The following PCMTD2 variants were observed in gnomAD, a reference collection of about 807,000 sequenced individuals.
PCMTD2 encodes the protein protein-L-isoaspartate O-methyltransferase domain-containing protein 2.
Under a neutral mutation model 33.4 loss-of-function variants are expected in PCMTD2, and 16 were observed. That is an observed-to-expected ratio of 0.48 (90% CI 0.32 to 0.73). The LOEUF (loss-of-function observed/expected upper bound fraction) is 0.73, where lower values mean the gene tolerates loss of function less well. Among genes scored for constraint, PCMTD2 ranks in the 30% least tolerant of loss-of-function variants. PCMTD2 has a pLI of 0.03. For synonymous variants in PCMTD2, 161 were observed against 160.8 expected (o/e 1.00, Z -0.01); for missense variants, 374 against 449.9 (o/e 0.83, Z 1.53).
intron 3 of PCMTD2, 126 bp from the exon 4 acceptor site, chr20:64,265,132 C>T (rs1985603396): frequency 3.7e-6 from 2 of 545,394 alleles, no homozygotes; most frequent in South Asian, 4.1e-5. Flanking sequence ...TCTTTTCTTC[C>T]AGCTCCTCAC....
chr20:64,272,141 C>CA, intron 5 of PCMTD2: 1 of 379,478 alleles, frequency 2.6e-6, no homozygotes. Flanking sequence ...GCTACTTACT[C>CA]ACTACCAGGG....
chr20:64,266,404 C>T (rs188402368), intron 4 of PCMTD2, among the ~76,000 whole-genome samples: 713 of 152,190 alleles, frequency 4.7e-3, no homozygotes, highest in Admixed American at 9.4e-3. Flanking sequence ...ATTACAGGTG[C>T]GTGCCACCAC....
chr20:64,261,861 G>A lies in PCMTD2; in HGVS notation c.307+1589G>A, dbSNP rs557650398. Among the ~76,000 whole-genome samples, 400 of 152,272 alleles carry A rather than the reference G, an allele frequency of 2.6e-3. 3 individuals are homozygous for A. Among genetic ancestry groups the A allele is most frequent in the African/African-American group, 9.4e-3 (389 of 41,552 alleles). Reference sequence around the variant, plus strand: ...ACGTAGCTGAAAAATAGGGGCTATAGCTAAGGTAGAACCTTGGGGAGAAAT... The same window carrying A: ...ACGTAGCTGAAAAATAGGGGCTATAACTAAGGTAGAACCTTGGGGAGAAAT... On this transcript the variant is annotated intron_variant, in intron 2 of 5. Coordinates refer to ENST00000308824, the MANE Select transcript of PCMTD2 (RefSeq NM_018257.3).
chr20:64,266,249 ATATTTATTTATT>A (rs375762835), intron 4 of PCMTD2, among the ~76,000 whole-genome samples: 2 of 151,404 alleles, frequency 1.3e-5, no homozygotes, highest in Non-Finnish European at 2.9e-5. Context: ...TATTTTTTAA[ATATTTATTTATT>A]TATTTATTTA....
At chr20:64,270,727 C>T (rs1325247701) in intron 5 of PCMTD2, among the ~76,000 whole-genome samples, 2 of 150,232 alleles carry the variant, frequency 1.3e-5, no homozygotes, top group Admixed American at 6.6e-5. Context: ...TAAAATGGTA[C>T]AGTCCTTCTG....
chr20:64,272,247 A>G (rs1390529669), intron 5 of PCMTD2: 1 of 339,806 alleles, frequency 2.9e-6, no homozygotes. Flanking sequence ...AACGTTGTGC[A>G]CAACACAAGA....
At position 64,265,350 on chromosome 20, in the gene PCMTD2, G is replaced by T; in HGVS notation, c.503G>T (p.Gly168Val). The change falls in exon 4 of 6, where the codon GGC (glycine) becomes GTC (valine). Residue 168 changes from glycine (G) to valine (V), a missense_variant. Coordinates refer to ENST00000308824, the MANE Select transcript of PCMTD2 (RefSeq NM_018257.3). Reference sequence around the variant, plus strand: ...TATGATCGTGTATACTGTGGGGCTGGCGTGCAGAAAGAGCATGAAGAGTAC... The same window carrying T: ...TATGATCGTGTATACTGTGGGGCTGTCGTGCAGAAAGAGCATGAAGAGTAC... ...SQYDRVYCGA[G>V]VQKEHEEYMK... The T allele has an allele frequency of 6.2e-7, 1 of 1,613,540 alleles. No individual in the cohort carries two copies. The highest frequency in any genetic ancestry group is 8.5e-7 in the Non-Finnish European group (1 of 1,179,838).
At chr20:64,256,157 G>A (rs1010706007) in intron 1 of PCMTD2, among the ~76,000 whole-genome samples, 11 of 152,230 alleles carry the variant, frequency 7.2e-5, no homozygotes, top group African/African-American at 2.4e-4. Context: ...CCTGCAGCTT[G>A]TCTTTGACTT....
intron 5 of PCMTD2, among the ~76,000 whole-genome samples, chr20:64,270,019 C>T (rs548755044): frequency 1.4e-4 from 18 of 126,654 alleles, no homozygotes; most frequent in African/African-American, 2.5e-4. Context: ...TAAGTTCAGG[C>T]GTGCACGGTA....
At chr20:64,264,049 T>C (rs963354153) in intron 2 of PCMTD2, among the ~76,000 whole-genome samples, 3 of 152,234 alleles carry the variant, frequency 2.0e-5, no homozygotes, top group Non-Finnish European at 2.9e-5. Context: ...TTTGTGAATA[T>C]TATAATGCTC....
intron 1 of PCMTD2, 178 bp from the exon 2 acceptor site, chr20:64,259,763 AT>A (rs1162234789): frequency 9.0e-6 from 5 of 553,942 alleles, no homozygotes; most frequent in Admixed American, 3.4e-5. Flanking sequence ...TTGAACTGGG[AT>A]TTTTTTTCCT....
At chr20:64,262,999 GT>G (rs1985495584) in intron 2 of PCMTD2, 2 of 152,208 alleles carry the variant, frequency 1.3e-5, no homozygotes, top group South Asian at 4.1e-4. Context: ...AAGCAGGTGG[GT>G]CGAGGTATTT....
At chr20:64,266,393 G>A (rs1219266910) in intron 4 of PCMTD2, among the ~76,000 whole-genome samples, 1 of 152,134 alleles carries the variant, frequency 6.6e-6, no homozygotes, top group East Asian at 1.9e-4. Flanking sequence ...GAGTAGCTGG[G>A]ATTACAGGTG....
intron 2 of PCMTD2, among the ~76,000 whole-genome samples, chr20:64,261,194 G>A (rs563809725): frequency 1.3e-5 from 2 of 152,112 alleles, no homozygotes; most frequent in African/African-American, 2.4e-5. Flanking sequence ...TGTGAGGGGC[G>A]GGGAAGGCAT....
chr20:64,273,693 G>T lies in PCMTD2; in HGVS notation c.*93G>T. 1 of 1,092,452 alleles carries T rather than the reference G, an allele frequency of 9.2e-7. No individual in the cohort carries two copies. Among genetic ancestry groups the T allele is most frequent in the Non-Finnish European group, 1.3e-6 (1 of 770,018 alleles). 67.7% of individuals were successfully genotyped at this position (1,092,452 alleles called of 1,614,324 possible). On this transcript the variant is annotated 3_prime_UTR_variant, in exon 6 of 6. Coordinates refer to ENST00000308824, the MANE Select transcript of PCMTD2 (RefSeq NM_018257.3). ...GCTGTTGAAGGGTCACCTGGAGGCA[G>T]ACGTTGTGGGGAAGGGAACTGCTGG...
intron 2 of PCMTD2, 34 bp downstream of exon 2, chr20:64,260,306 G>C (rs894654043): frequency 2.0e-6 from 3 of 1,477,090 alleles, no homozygotes; most frequent in Admixed American, 3.5e-5. Flanking sequence ...AAACTCATCT[G>C]TCTCAGGGAA....
At chr20:64,267,795 C>A in intron 4 of PCMTD2, 92 bp from the exon 5 acceptor site, 1 of 1,051,708 alleles carries the variant, frequency 9.5e-7, no homozygotes, top group Non-Finnish European at 1.4e-6. Flanking sequence ...GTAAGCATTT[C>A]TATGTATTTT....
intron 1 of PCMTD2, among the ~76,000 whole-genome samples, chr20:64,258,361 G>C (rs1452904948): frequency 6.6e-6 from 1 of 152,038 alleles, no homozygotes; most frequent in Non-Finnish European, 1.5e-5. Flanking sequence ...ATCTAACAAG[G>C]GCTCCGAAAC....
At chr20:64,269,049 G>A (rs1369354815) in intron 5 of PCMTD2, among the ~76,000 whole-genome samples, 3 of 152,214 alleles carry the variant, frequency 2.0e-5, no homozygotes, top group African/African-American at 7.2e-5. Context: ...CGTGTTCCCC[G>A]TGTAGTCAGA....
Sources: gnomAD v4.1 joint callset for allele counts (sites outside exome capture counted in the v4.1 genomes callset) on GRCh38, gnomAD v4.1.1 for gene constraint, MANE v1.5 for transcripts, NCBI Gene and HGNC (gene_info 2026-07-23, HGNC 2026-07-21) for gene names.